METAP1D: variants seen among roughly 807,000 people sequenced by gnomAD.
The protein encoded by METAP1D is methionine aminopeptidase 1D, mitochondrial.
In METAP1D, 31 loss-of-function variants were observed where a neutral mutation model predicts 40.5. The observed-to-expected ratio is 0.77, with a 90% confidence interval of 0.58 to 1.03. The LOEUF (loss-of-function observed/expected upper bound fraction) is 1.03. Ranked by LOEUF, METAP1D falls within the 50% of genes least tolerant of loss-of-function variation. The pLI, the probability that METAP1D is intolerant of heterozygous loss-of-function variation, is 0.00. For missense variants in METAP1D, 411 were observed against 420.7 expected (o/e 0.98, Z 0.20); for synonymous variants, 151 against 146.4 (o/e 1.03, Z -0.22).
intron 1 of METAP1D, among the ~76,000 whole-genome samples, chr2:172,050,556 C>G (rs1041407505): frequency 6.6e-6 from 1 of 152,056 alleles, no homozygotes; most frequent in Non-Finnish European, 1.5e-5. Flanking sequence ...TAAAATCATT[C>G]TATTTTCCTC....
At chr2:172,019,836 CTA>C (rs1245997593) in intron 1 of METAP1D, among the ~76,000 whole-genome samples, 1 of 152,086 alleles carries the variant, frequency 6.6e-6, no homozygotes, top group Non-Finnish European at 1.5e-5. Flanking sequence ...ACCTCTAGTG[CTA>C]TATTGTAACC....
intron 7 of METAP1D, 127 bp downstream of exon 7, chr2:172,078,021 C>T: frequency 6.0e-6 from 2 of 333,630 alleles, no homozygotes; most frequent in Non-Finnish European, 1.1e-5. Flanking sequence ...TGTTTATGTG[C>T]AGGGGGCAGG....
At chr2:172,075,962 T>A (rs1282217055) in intron 6 of METAP1D, among the ~76,000 whole-genome samples, 2 of 152,120 alleles carry the variant, frequency 1.3e-5, no homozygotes, top group Non-Finnish European at 2.9e-5. Flanking sequence ...ACGGAGTAAA[T>A]TGTTGTAGGA....
rs1690737123 is a variant in METAP1D, at chr2:172,082,287, G to A, written c.*1881G>A. 6.6e-6 allele frequency: 1 copy of A among 152,198 alleles called. No individual in the cohort carries two copies. Among genetic ancestry groups the A allele is most frequent in the South Asian group, 2.1e-4 (1 of 4,832 alleles). 9.4% of individuals were successfully genotyped at this position (152,198 alleles called of 1,614,324 possible). On this transcript the variant is annotated 3_prime_UTR_variant, in exon 10 of 10. Coordinates refer to ENST00000315796, the MANE Select transcript of METAP1D (RefSeq NM_199227.3). Reference sequence around the variant, plus strand: ...TCTTATCTGCAAATCAGTTTACTCCGAGGTTCCCCAAGGATAGTTTTATTA... The same window carrying A: ...TCTTATCTGCAAATCAGTTTACTCCAAGGTTCCCCAAGGATAGTTTTATTA...
At position 172,027,632 on chromosome 2, in the gene METAP1D, G is replaced by A. The variant is rs533671313; in HGVS notation, c.40+27623G>A. On this transcript the variant is annotated intron_variant, in intron 1 of 9. Transcript: ENST00000315796. ...GATATGAGTGTGTATGTGTATTTAT[G>A]ATTTTGTACGTGTACACGTGTGTAT... Among the ~76,000 whole-genome samples the A allele has an allele frequency of 2.6e-5, 4 of 152,344 alleles. 1 individual carries two copies. Among genetic ancestry groups the A allele is most frequent in the Admixed American group, 1.3e-4 (2 of 15,300 alleles).
chr2:172,004,428 A>T (rs1688533581), intron 1 of METAP1D, among the ~76,000 whole-genome samples: 1 of 151,874 alleles, frequency 6.6e-6, no homozygotes, highest in African/African-American at 2.4e-5. Context: ...AATTCAAGTG[A>T]TTCTCCTGCC....
intron 1 of METAP1D, among the ~76,000 whole-genome samples, chr2:172,045,821 A>G (rs1264765533): frequency 6.2e-4 from 19 of 30,658 alleles, no homozygotes; most frequent in African/African-American, 1.9e-3. Flanking sequence ...GTGTGTGTGT[A>G]TATATATATA....
Position 172,067,374 on chromosome 2 carries a change from C to G in METAP1D, c.540+1068C>G, listed in dbSNP as rs17615607. On this transcript the variant is annotated intron_variant, in intron 5 of 9. Coordinates refer to ENST00000315796, the MANE Select transcript of METAP1D (RefSeq NM_199227.3). Reference sequence around the variant, plus strand: ...TGACTTTTAGTTTAAGTTAACTAAACCTTTTTTCTTCATATCAATCATATG... The same window carrying G: ...TGACTTTTAGTTTAAGTTAACTAAAGCTTTTTTCTTCATATCAATCATATG... Among the ~76,000 whole-genome samples, 4,800 of 152,220 alleles carry G rather than the reference C, an allele frequency of 0.032. 601 individuals are homozygous for G. In the East Asian group the frequency reaches 0.45, roughly 14 times the overall value.
chr2:172,000,045 A>G, intron 1 of METAP1D, 36 bp downstream of exon 1: 1 of 1,277,162 alleles, frequency 7.8e-7, no homozygotes, highest in Non-Finnish European at 1.0e-6. Context: ...GAGGGTTCGC[A>G]CGGTTGCTCA....
chr2:172,073,094 A>G (rs1229822631), intron 6 of METAP1D, among the ~76,000 whole-genome samples: 1 of 152,230 alleles, frequency 6.6e-6, no homozygotes, highest in African/African-American at 2.4e-5. Context: ...AAAGATTTGT[A>G]TCAACACTAC....
At chr2:172,036,129 AACAC>A (rs1689373164) in intron 1 of METAP1D, among the ~76,000 whole-genome samples, 3 of 151,664 alleles carry the variant, frequency 2.0e-5, no homozygotes, top group Admixed American at 2.0e-4. Flanking sequence ...CATCCTGGCT[AACAC>A]GGTGAAACCC....
chr2:172,059,169 C>T (rs1002804761), intron 1 of METAP1D, among the ~76,000 whole-genome samples: 14 of 150,148 alleles, frequency 9.3e-5, no homozygotes, highest in Non-Finnish European at 2.1e-4. Context: ...AGTGCAGTGG[C>T]GCGATCTTGG....
chr2:172,031,964 G>A (rs963290729), intron 1 of METAP1D, among the ~76,000 whole-genome samples: 6 of 152,270 alleles, frequency 3.9e-5, no homozygotes, highest in African/African-American at 9.6e-5. Context: ...CTTGTTGCCC[G>A]GCTGGTCAAA....
intron 3 of METAP1D, 69 bp from the exon 4 acceptor site, chr2:172,065,534 AT>A: frequency 6.7e-7 from 1 of 1,488,212 alleles, no homozygotes; most frequent in African/African-American, 1.4e-5. Context: ...TACTGTTGCT[AT>A]AGCATAGTTG....
At chr2:172,077,487 G>T (rs1220089117) in intron 6 of METAP1D, among the ~76,000 whole-genome samples, 1 of 152,188 alleles carries the variant, frequency 6.6e-6, no homozygotes, top group Admixed American at 6.5e-5. Flanking sequence ...CAATCACTAT[G>T]TGTGTATACA....
intron 1 of METAP1D, among the ~76,000 whole-genome samples, chr2:172,061,189 A>G (rs879281283): frequency 1.3e-5 from 2 of 152,222 alleles, no homozygotes; most frequent in Non-Finnish European, 2.9e-5. Flanking sequence ...CACATAAGGT[A>G]TTACAGCAGA....
intron 1 of METAP1D, among the ~76,000 whole-genome samples, chr2:172,016,300 A>AAAAATATATATATATATAT (rs1553490378): frequency 2.5e-5 from 1 of 40,038 alleles, no homozygotes; most frequent in Non-Finnish European, 4.6e-5. Flanking sequence ...AAAAAAAAAA[A>AAAAATATATATATATATAT]ATATATATAT....
intron 7 of METAP1D, 60 bp from the exon 8 acceptor site, chr2:172,079,155 G>T (rs1559023971): frequency 8.7e-6 from 12 of 1,374,258 alleles, no homozygotes; most frequent in Middle Eastern, 1.8e-4. Flanking sequence ...CCTGTAATCT[G>T]TTTTTTTTTT....
chr2:172,038,521 G>C (rs1256076684), intron 1 of METAP1D, among the ~76,000 whole-genome samples: 3 of 152,118 alleles, frequency 2.0e-5, no homozygotes, highest in Non-Finnish European at 4.4e-5. Flanking sequence ...TACTGTGACC[G>C]AGACCAAATT....
Sources: gnomAD v4.1 joint callset for allele counts (sites outside exome capture counted in the v4.1 genomes callset) on GRCh38, gnomAD v4.1.1 for gene constraint, MANE v1.5 for transcripts, NCBI Gene and HGNC (gene_info 2026-07-23, HGNC 2026-07-21) for gene names.